KCNH5: variants seen among roughly 807,000 people sequenced by gnomAD.
KCNH5 encodes voltage-gated delayed rectifier potassium channel KCNH5.
Under a neutral mutation model 96.1 loss-of-function variants are expected in KCNH5, and 46 were observed. The observed-to-expected ratio is 0.48, with a 90% confidence interval of 0.38 to 0.61. The LOEUF (loss-of-function observed/expected upper bound fraction) is 0.61. KCNH5 is among the 20% of genes least tolerant of loss of function. The pLI is 0.00. For synonymous variants in KCNH5, 439 were observed against 449.8 expected (o/e 0.98, Z 0.30); for missense variants, 907 against 1,225.8 (o/e 0.74, Z 3.88).
intron 8 of KCNH5, among the ~76,000 whole-genome samples, chr14:62,833,339 G>T (rs1362886821): frequency 6.6e-6 from 1 of 151,778 alleles, no homozygotes; most frequent in Non-Finnish European, 1.5e-5. Context: ...AGGGGTTTAA[G>T]TTCATTATTT....
At chr14:62,715,801 G>A (rs1215680028) in intron 10 of KCNH5, among the ~76,000 whole-genome samples, 1 of 151,888 alleles carries the variant, frequency 6.6e-6, no homozygotes, top group Non-Finnish European at 1.5e-5. Flanking sequence ...AATGGGTAGA[G>A]AGGAAAAAGA....
At chr14:63,003,515 T>A (rs1180408300) in intron 3 of KCNH5, among the ~76,000 whole-genome samples, 43 of 114,566 alleles carry the variant, frequency 3.8e-4, no homozygotes, top group African/African-American at 1.4e-3. Flanking sequence ...TTATATATAT[T>A]TTATATATTT....
intron 1 of KCNH5, among the ~76,000 whole-genome samples, chr14:63,025,569 A>G (rs986741275): frequency 6.6e-6 from 1 of 151,852 alleles, no homozygotes; most frequent in Non-Finnish European, 1.5e-5. Flanking sequence ...TTCTATAACA[A>G]CAAGCTATCC....
chr14:62,940,378 A>C (rs1278933001), intron 7 of KCNH5, among the ~76,000 whole-genome samples: 1 of 152,170 alleles, frequency 6.6e-6, no homozygotes, highest in African/African-American at 2.4e-5. Flanking sequence ...CCATATATTT[A>C]CCACCTCAAT....
intron 1 of KCNH5, among the ~76,000 whole-genome samples, chr14:63,042,566 C>G (rs1891845089): frequency 6.6e-6 from 1 of 152,068 alleles, no homozygotes; most frequent in African/African-American, 2.4e-5. Flanking sequence ...CTTTCTCTTC[C>G]TGCTAAACCT....
chr14:62,977,497 T>C (rs2139564281), intron 6 of KCNH5, among the ~76,000 whole-genome samples: 1 of 152,234 alleles, frequency 6.6e-6, no homozygotes, highest in African/African-American at 2.4e-5. Flanking sequence ...GGAGCTAAAA[T>C]CTCACCTTTC....
At chr14:62,726,479 C>A (rs1418393721) in intron 10 of KCNH5, among the ~76,000 whole-genome samples, 2 of 151,826 alleles carry the variant, frequency 1.3e-5, no homozygotes, top group African/African-American at 2.4e-5. Context: ...AGAAAATGAG[C>A]ATTTTACCAC....
Position 62,882,445 on chromosome 14 carries a change from C to T in KCNH5, c.1370-32593G>A, listed in dbSNP as rs147889997. Among the ~76,000 whole-genome samples, 373 of 152,264 alleles carry T rather than the reference C, an allele frequency of 2.4e-3. 3 individuals carry two copies. Among genetic ancestry groups the T allele is most frequent in the African/African-American group, 8.8e-3 (365 of 41,556 alleles). On this transcript the variant is annotated intron_variant, in intron 7 of 10. Coordinates refer to ENST00000322893, the MANE Select transcript of KCNH5 (RefSeq NM_139318.5). ...CACAACCATGGGACTTTAGCCAAGT[C>T]TCACAAGCAATGTGCTATACACTCA...
chr14:62,870,485 G>C (rs978338411), intron 7 of KCNH5, among the ~76,000 whole-genome samples: 1 of 152,170 alleles, frequency 6.6e-6, no homozygotes, highest in African/African-American at 2.4e-5. Context: ...CAGAAGGAAA[G>C]TCAAGTCCTC....
chr14:62,823,860 T>C (rs1887163584), intron 8 of KCNH5, among the ~76,000 whole-genome samples: 1 of 152,046 alleles, frequency 6.6e-6, no homozygotes, highest in South Asian at 2.1e-4. Flanking sequence ...CTTTCTTCAA[T>C]CGTCCCCTAA....
At chr14:62,709,119 G>C (rs1435161205) in intron 10 of KCNH5, among the ~76,000 whole-genome samples, 1 of 150,536 alleles carries the variant, frequency 6.6e-6, no homozygotes. Context: ...TGTAGTCCCA[G>C]CTACTCGGGA....
At chr14:63,003,805 A>G (rs1434406120) in intron 3 of KCNH5, among the ~76,000 whole-genome samples, 6 of 150,236 alleles carry the variant, frequency 4.0e-5, no homozygotes, top group African/African-American at 1.2e-4. Context: ...TATTTTTAGT[A>G]GAGACGGGGT....
At chr14:62,849,101 C>T (rs1384206240) in intron 8 of KCNH5, among the ~76,000 whole-genome samples, 1 of 151,866 alleles carries the variant, frequency 6.6e-6, no homozygotes, top group Non-Finnish European at 1.5e-5. Flanking sequence ...ATTAGAGATA[C>T]CAGATGATTG....
At chr14:62,908,782 ATTTTTTTTT>A (rs71120241) in intron 7 of KCNH5, among the ~76,000 whole-genome samples, 25 of 23,716 alleles carry the variant, frequency 1.1e-3, no homozygotes, top group South Asian at 9.6e-3. Flanking sequence ...TTTGCTTTGT[ATTTTTTTTT>A]TTTTTTTTTT....
At chr14:62,784,712 T>C (rs1886286060) in intron 9 of KCNH5, among the ~76,000 whole-genome samples, 1 of 152,206 alleles carries the variant, frequency 6.6e-6, no homozygotes, top group Admixed American at 6.5e-5. Context: ...TTCTTACCAA[T>C]ATGGGCCATT....
At position 63,032,098 on chromosome 14, in the gene KCNH5, T is replaced by G. The variant is rs1174055010; in HGVS notation, c.73+13016A>C. On this transcript the variant is annotated intron_variant, in intron 1 of 10. Transcript: ENST00000322893. The stretch of plus-strand genomic sequence containing the variant: ...AGAGGAGTTGAGAAGAAAAAGGACT[T>G]CACAAAAAAAAAAAAAAAACTTTCA... Among the ~76,000 whole-genome samples the G allele has an allele frequency of 4.8e-5, 6 of 125,560 alleles. No homozygotes were observed. The East Asian group carries it at 1.5e-3, about 31-fold the overall frequency. 82.4% of individuals were successfully genotyped at this position (125,560 alleles called of 152,430 possible). A position where few individuals can be genotyped will look rare whatever the true frequency, so the allele number is the denominator to read the frequency against.
chr14:62,775,028 T>C (rs1397495732), intron 10 of KCNH5, among the ~76,000 whole-genome samples: 1 of 152,238 alleles, frequency 6.6e-6, no homozygotes, highest in African/African-American at 2.4e-5. Flanking sequence ...TATGTACTTC[T>C]GTCTAGCAGC....
At chr14:62,937,940 C>T (rs1433430980) in intron 7 of KCNH5, among the ~76,000 whole-genome samples, 2 of 152,096 alleles carry the variant, frequency 1.3e-5, no homozygotes, top group Admixed American at 6.6e-5. Flanking sequence ...CGTTTGGACC[C>T]TTTCTAAGGA....
intron 4 of KCNH5, among the ~76,000 whole-genome samples, chr14:63,000,162 T>G (rs548556569): frequency 6.6e-6 from 1 of 152,306 alleles, no homozygotes; most frequent in African/African-American, 2.4e-5. Flanking sequence ...AGGAATAAAC[T>G]TACTGTGATT....
Sources: allele counts gnomAD v4.1 joint callset (sites outside exome capture counted in the v4.1 genomes callset), GRCh38; gene constraint gnomAD v4.1.1; transcripts MANE v1.5; gene names NCBI Gene and HGNC (gene_info 2026-07-23, HGNC 2026-07-21).